Variants in ERC2 observed in about 807,000 individuals in gnomAD.
ERC2 encodes the protein ERC protein 2.
A neutral mutation model predicts 114.8 loss-of-function variants in ERC2; 42 were observed. That is an observed-to-expected ratio of 0.37 (90% CI 0.29 to 0.47). The LOEUF is 0.47. ERC2 is among the 20% of genes least tolerant of loss of function. The pLI is 0.99. For missense variants in ERC2, 939 were observed against 1,150.7 expected (o/e 0.82, Z 2.66); for synonymous variants, 454 against 425.5 (o/e 1.07, Z -0.82).
At chr3:55,540,494 G>T (rs2054319852) in intron 17 of ERC2, among the ~76,000 whole-genome samples, 1 of 152,168 alleles carries the variant, frequency 6.6e-6, no homozygotes, top group African/African-American at 2.4e-5. Flanking sequence ...GGTAAGAAAT[G>T]GTCTATGCTC....
intron 6 of ERC2, among the ~76,000 whole-genome samples, chr3:56,086,152 T>C (rs899385535): frequency 6.6e-6 from 1 of 152,166 alleles, no homozygotes; most frequent in African/African-American, 2.4e-5. Context: ...ATCTAGACTT[T>C]AAGGCTTAAC....
intron 17 of ERC2, among the ~76,000 whole-genome samples, chr3:55,557,893 G>A (rs570479890): frequency 4.6e-5 from 7 of 152,288 alleles, no homozygotes; most frequent in African/African-American, 1.2e-4. Context: ...GCCTTTGCTC[G>A]TGGCCCTCCA....
At chr3:56,123,321 T>A (rs1054891027) in intron 6 of ERC2, among the ~76,000 whole-genome samples, 1 of 152,076 alleles carries the variant, frequency 6.6e-6, no homozygotes, top group Non-Finnish European at 1.5e-5. Flanking sequence ...CAGAGCTAGC[T>A]AGCCTTTCTT....
chr3:55,662,810 G>C (rs1177058627), intron 17 of ERC2, among the ~76,000 whole-genome samples: 1 of 152,110 alleles, frequency 6.6e-6, no homozygotes, highest in Admixed American at 6.5e-5. Context: ...AGAAATTAAG[G>C]CCGGCCAAAC....
At chr3:56,334,434 C>T (rs961057827) in intron 2 of ERC2, among the ~76,000 whole-genome samples, 1 of 152,210 alleles carries the variant, frequency 6.6e-6, no homozygotes, top group Non-Finnish European at 1.5e-5. Flanking sequence ...TCATTTCTGT[C>T]CTTCCCAGCT....
At chr3:56,246,030 G>A (rs13065094) in intron 3 of ERC2, among the ~76,000 whole-genome samples, 79,300 of 148,788 alleles carry the variant, frequency 0.53, 21,603 homozygotes, top group East Asian at 0.84. Context: ...TCCTAAAAGC[G>A]ACTTCTTTTA....
chr3:55,946,353 T>C (rs1201190403), intron 13 of ERC2, among the ~76,000 whole-genome samples: 2 of 152,216 alleles, frequency 1.3e-5, no homozygotes, highest in Non-Finnish European at 2.9e-5. Context: ...ATTTTCCTCC[T>C]TATTGCCCAA....
intron 2 of ERC2, among the ~76,000 whole-genome samples, chr3:56,361,594 A>G (rs978850117): frequency 2.6e-5 from 4 of 152,220 alleles, no homozygotes. Context: ...TAAGAAATTG[A>G]AAGCAACCAA....
chr3:55,681,734 A>C (rs1465860246), intron 17 of ERC2, among the ~76,000 whole-genome samples: 1 of 152,238 alleles, frequency 6.6e-6, no homozygotes, highest in Non-Finnish European at 1.5e-5. Context: ...TCTGGTGTGC[A>C]TGGCATTTGG....
chr3:55,999,215 T>G (rs2071838932), intron 10 of ERC2, among the ~76,000 whole-genome samples: 2 of 152,246 alleles, frequency 1.3e-5, no homozygotes, highest in South Asian at 2.1e-4. Flanking sequence ...ACCTGCACAG[T>G]GTTATAATAA....
At chr3:56,144,924 T>C (rs1015796949) in intron 5 of ERC2, among the ~76,000 whole-genome samples, 1 of 152,218 alleles carries the variant, frequency 6.6e-6, no homozygotes, top group Non-Finnish European at 1.5e-5. Context: ...AAATGGAAAG[T>C]GATGCAATCG....
At chr3:56,113,594 A>T (rs1218659224) in intron 6 of ERC2, among the ~76,000 whole-genome samples, 3 of 152,218 alleles carry the variant, frequency 2.0e-5, no homozygotes, top group Admixed American at 2.0e-4. Context: ...CACCAAATGT[A>T]TGGGGTTTTC....
intron 14 of ERC2, among the ~76,000 whole-genome samples, chr3:55,828,629 T>C (rs993474908): frequency 6.6e-6 from 1 of 152,186 alleles, no homozygotes; most frequent in Non-Finnish European, 1.5e-5. Context: ...CATAAGTTCA[T>C]GTATGAGCTT....
At chr3:56,332,658 C>T (rs944222748) in intron 2 of ERC2, among the ~76,000 whole-genome samples, 1 of 152,188 alleles carries the variant, frequency 6.6e-6, no homozygotes, top group Non-Finnish European at 1.5e-5. Flanking sequence ...TAGAGCCACA[C>T]AGTAAGTGCT....
intron 2 of ERC2, among the ~76,000 whole-genome samples, chr3:56,305,319 C>T (rs1308974928): frequency 6.6e-6 from 1 of 151,824 alleles, no homozygotes; most frequent in East Asian, 1.9e-4. Context: ...TATAGAATTC[C>T]TATAATTCAA....
chr3:55,720,196 CT>C (rs2064420762), intron 15 of ERC2, among the ~76,000 whole-genome samples: 1 of 9,686 alleles, frequency 1.0e-4, no homozygotes, highest in African/African-American at 5.3e-4. Flanking sequence ...TCTTCTTCTT[CT>C]TCTTCTTCTT....
intron 17 of ERC2, among the ~76,000 whole-genome samples, chr3:55,610,056 A>AAC (rs2058823837): frequency 1.8e-5 from 2 of 109,152 alleles, no homozygotes; most frequent in Admixed American, 9.5e-5. Flanking sequence ...AAAACAAACA[A>AAC]ACACAAACAA....
chr3:56,324,549 A>T (rs1446097440), intron 2 of ERC2, among the ~76,000 whole-genome samples: 1 of 152,100 alleles, frequency 6.6e-6, no homozygotes, highest in African/African-American at 2.4e-5. Flanking sequence ...TCAAAGCCAA[A>T]CCATCATGAG....
intron 3 of ERC2, among the ~76,000 whole-genome samples, chr3:56,221,781 G>A (rs1458691490): frequency 6.6e-6 from 1 of 152,158 alleles, no homozygotes; most frequent in Non-Finnish European, 1.5e-5. Flanking sequence ...GTGGGCGCCT[G>A]TAGTCCCAGC....
Sources: gnomAD v4.1 joint callset for allele counts (sites outside exome capture counted in the v4.1 genomes callset) on GRCh38, gnomAD v4.1.1 for gene constraint, MANE v1.5 for transcripts, NCBI Gene and HGNC (gene_info 2026-07-23, HGNC 2026-07-21) for gene names.